PRKAR1B: variants seen among roughly 807,000 people sequenced by gnomAD.
The protein encoded by PRKAR1B is protein kinase cAMP-dependent type I regulatory subunit beta, also known as cAMP-dependent protein kinase type I-beta regulatory subunit.
In PRKAR1B, 22 loss-of-function variants were observed where a neutral mutation model predicts 46.5. That is an observed-to-expected ratio of 0.47 (90% CI 0.34 to 0.68). PRKAR1B has a LOEUF of 0.68. Ranked by LOEUF, PRKAR1B falls within the 30% of genes least tolerant of loss-of-function variation. The pLI is 0.01. For synonymous variants in PRKAR1B, 259 were observed against 217.7 expected (o/e 1.19, Z -1.67); for missense variants, 445 against 535.6 (o/e 0.83, Z 1.67).
intron 10 of PRKAR1B, 143 bp downstream of exon 10, chr7:551,246 T>C (rs1784173246): frequency 2.6e-6 from 2 of 775,722 alleles, no homozygotes; most frequent in Non-Finnish European, 4.2e-6. Context: ...GAGCCTTCTG[T>C]TGCAGCCACA....
chr7:607,044 C>A (rs558054464), intron 5 of PRKAR1B, among the ~76,000 whole-genome samples: 1 of 152,224 alleles, frequency 6.6e-6, no homozygotes, highest in South Asian at 2.1e-4. Flanking sequence ...TACTGTATCA[C>A]CTAGGCTAGA....
chr7:594,867 C>A lies in PRKAR1B; in HGVS notation c.708+1279G>T, dbSNP rs888180865. ...CCCCCCAGATCATGACGAGACCACC[C>A]AAACCACAAGGGGACTCCAAACTAT... On this transcript the variant is annotated intron_variant, in intron 7 of 10. Coordinates refer to ENST00000537384, the MANE Select transcript of PRKAR1B (RefSeq NM_001164760.2). 1.1e-4 allele frequency among the ~76,000 whole-genome samples: 16 copies of A among 152,146 alleles called. 1 individual carries two copies. The highest frequency in any genetic ancestry group is 2.1e-4 in the Non-Finnish European group (14 of 67,998).
intron 7 of PRKAR1B, among the ~76,000 whole-genome samples, chr7:591,887 G>A (rs1299867465): frequency 6.6e-6 from 1 of 152,110 alleles, no homozygotes; most frequent in East Asian, 1.9e-4. Flanking sequence ...CCCCAAAGTC[G>A]TGAGGTGAAG....
chr7:688,947 C>G lies in PRKAR1B; in HGVS notation c.178-8221G>C, dbSNP rs75475092. On this transcript the variant is annotated intron_variant, in intron 2 of 10. Transcript: ENST00000537384. Reference sequence around the variant, plus strand: ...ATTTGTTAAATAAATATCAAAGAGGCAAGATCATGTGATCAAAAATCAAGA... The same window carrying G: ...ATTTGTTAAATAAATATCAAAGAGGGAAGATCATGTGATCAAAAATCAAGA... Among the ~76,000 whole-genome samples the G allele has an allele frequency of 1.8e-4, 27 of 152,214 alleles. No individual in the cohort carries two copies. The East Asian group carries it at 5.2e-3, about 29-fold the overall frequency.
chr7:647,887 A>G (rs1009727729), intron 4 of PRKAR1B, among the ~76,000 whole-genome samples: 3 of 150,544 alleles, frequency 2.0e-5, no homozygotes, highest in Non-Finnish European at 4.4e-5. Flanking sequence ...ATGGCCGGGC[A>G]TGGTGGCTCA....
In PRKAR1B at chr7:549,508, C is replaced by T. The variant is rs1169448438; in HGVS notation, c.*922G>A. 1 of 152,368 alleles carries T rather than the reference C, an allele frequency of 6.6e-6. No individual in the cohort carries two copies. Among genetic ancestry groups the T allele is most frequent in the Admixed American group, 6.5e-5 (1 of 15,286 alleles). The allele number at this position is 152,368 out of a possible 1,614,324, so 9.4% of individuals were successfully genotyped here. On this transcript the variant is annotated 3_prime_UTR_variant, in exon 11 of 11. Transcript: ENST00000537384. ...GAAGCTTCTCTGCACTGGCCTCACCCTTTCGGGCCTGGCTGGCTCACGTCA... is the reference window on the plus strand; with the variant it reads ...GAAGCTTCTCTGCACTGGCCTCACCTTTTCGGGCCTGGCTGGCTCACGTCA...
At chr7:576,255 G>T (rs13234837) in intron 9 of PRKAR1B, among the ~76,000 whole-genome samples, 7 of 152,138 alleles carry the variant, frequency 4.6e-5, no homozygotes, top group Non-Finnish European at 1.0e-4. Context: ...GTGCACGCTG[G>T]AATCACGGCT....
Position 562,793 on chromosome 7 carries a change from T to C in PRKAR1B, c.892-11323A>G, listed in dbSNP as rs150965168. ...TCCCTGGATCTTCTTTGCAAGGCCA[T>C]GGGGTCCATGCCCCCCAACCATGAC... On this transcript the variant is annotated intron_variant, in intron 9 of 10. Coordinates refer to ENST00000537384, the MANE Select transcript of PRKAR1B (RefSeq NM_001164760.2). Among the ~76,000 whole-genome samples the C allele has an allele frequency of 3.7e-3, 568 of 152,308 alleles. 6 individuals are homozygous for C. The highest frequency in any genetic ancestry group is 0.013 in the African/African-American group (534 of 41,570).
chr7:599,419 T>A (rs1219302970), intron 6 of PRKAR1B, among the ~76,000 whole-genome samples: 1 of 152,010 alleles, frequency 6.6e-6, no homozygotes, highest in East Asian at 1.9e-4. Flanking sequence ...CGCCTCAGCC[T>A]CCCGGATTAC....
intron 9 of PRKAR1B, among the ~76,000 whole-genome samples, chr7:558,907 T>G (rs2128423900): frequency 6.6e-6 from 1 of 152,216 alleles, no homozygotes; most frequent in East Asian, 1.9e-4. Context: ...ATCACAGAAC[T>G]GGGGGCAGAC....
intron 9 of PRKAR1B, 61 bp downstream of exon 9, chr7:579,195 G>A (rs1780039171): frequency 6.2e-7 from 1 of 1,611,826 alleles, no homozygotes; most frequent in South Asian, 1.1e-5. Flanking sequence ...AAGAGGAGAA[G>A]GTAAGAAGTG....
intron 4 of PRKAR1B, among the ~76,000 whole-genome samples, chr7:611,743 T>G (rs1782504117): frequency 6.6e-6 from 1 of 151,958 alleles, no homozygotes; most frequent in Non-Finnish European, 1.5e-5. Context: ...GACACATGGA[T>G]GTACAGGTGG....
Position 677,254 on chromosome 7 carries a change from C to A in PRKAR1B, c.415G>T (p.Ala139Ser), listed in dbSNP as rs185641179. The change falls in exon 4 of 11, where the codon GCT becomes TCT. Residue 139 changes from alanine (A) to serine (S), a missense_variant. By Grantham distance (99) the Ala-to-Ser change is moderately conservative. This residue lies in a region of PRKAR1B where 94 missense variants were observed against 126.9 expected (regional missense o/e 0.74). Coordinates refer to ENST00000537384, the MANE Select transcript of PRKAR1B (RefSeq NM_001164760.2). ...AKAISKNVLF[A>S]HLDDNERSDI... The stretch of plus-strand genomic sequence containing the variant: ...CTCCTCTCGTTGTCATCCAGGTGAG[C>A]GAAGAGCACGTTCTTGGAGATGGCC... 60 of 1,614,198 alleles carry A rather than the reference C, an allele frequency of 3.7e-5. No individual in the cohort carries two copies. In the East Asian group the frequency reaches 1.3e-3, roughly 35 times the overall value.
At chr7:727,591 T>G, upstream of PRKAR1B, 1 of 185,734 alleles carries the variant, frequency 5.4e-6, no homozygotes. Context: ...CCCATGTACC[T>G]GTTTCCTGCG....
In PRKAR1B at chr7:629,030, G is replaced by A. The variant is rs74977120; in HGVS notation, c.441-21578C>T. 6.3e-3 allele frequency among the ~76,000 whole-genome samples: 953 copies of A among 152,358 alleles called. 11 individuals carry two copies. The highest frequency in any genetic ancestry group is 0.022 in the African/African-American group (899 of 41,588). ...GCGGGACGCCATTGCTACACCACCT[G>A]TGTGTCGGACATTACAGCCGATGGT... On this transcript the variant is annotated intron_variant, in intron 4 of 10. Coordinates refer to ENST00000537384, the MANE Select transcript of PRKAR1B (RefSeq NM_001164760.2).
rs191807490 is a variant in PRKAR1B at position 668,215 on chromosome 7, G to A, written c.440+9014C>T. Among the ~76,000 whole-genome samples the A allele has an allele frequency of 7.9e-5, 12 of 152,350 alleles. No individual in the cohort carries two copies. The East Asian group carries it at 2.3e-3, about 29-fold the overall frequency. On this transcript the variant is annotated intron_variant, in intron 4 of 10. Transcript: ENST00000537384. Reference sequence around the variant, plus strand: ...AGAAGAGCAGGCAGCCTCAAAGTCAGGGGTGTGCCAGACGCCCTGTAAACT... The same window carrying A: ...AGAAGAGCAGGCAGCCTCAAAGTCAAGGGTGTGCCAGACGCCCTGTAAACT...
chr7:607,758 A>C (rs1375014910), intron 4 of PRKAR1B: 2 of 289,406 alleles, frequency 6.9e-6, no homozygotes, highest in African/African-American at 2.2e-5. Context: ...ATTTAGAAAA[A>C]CAAAAGTAAC....
intron 4 of PRKAR1B, among the ~76,000 whole-genome samples, chr7:664,465 C>A (rs1444010088): frequency 6.6e-6 from 1 of 152,220 alleles, no homozygotes; most frequent in Non-Finnish European, 1.5e-5. Context: ...TCCCCATCCA[C>A]ATACTGGGTG....
At chr7:570,667 C>T (rs977310697) in intron 9 of PRKAR1B, among the ~76,000 whole-genome samples, 1 of 152,212 alleles carries the variant, frequency 6.6e-6, no homozygotes, top group Non-Finnish European at 1.5e-5. Context: ...CTATCTCCCT[C>T]CTCTGCAAAT....
Sources: gnomAD v4.1 joint callset for allele counts (sites outside exome capture counted in the v4.1 genomes callset) on GRCh38, gnomAD v4.1.1 for gene constraint, gnomAD v4.1.1 regional missense constraint, MANE v1.5 for transcripts, NCBI Gene and HGNC (gene_info 2026-07-23, HGNC 2026-07-21) for gene names.